Variants in PPM1L observed in about 807,000 individuals in gnomAD.
The protein encoded by PPM1L is protein phosphatase, Mg2+/Mn2+ dependent 1L.
In PPM1L, 13 loss-of-function variants were observed where a neutral mutation model predicts 31.4. The observed-to-expected ratio is 0.41, with a 90% confidence interval of 0.27 to 0.66. The LOEUF (loss-of-function observed/expected upper bound fraction) is 0.66. PPM1L is among the 30% of genes least tolerant of loss of function. The pLI, the probability that PPM1L is intolerant of heterozygous loss-of-function variation, is 0.29. For missense variants in PPM1L, 326 were observed against 453.7 expected (o/e 0.72, Z 2.56); for synonymous variants, 184 against 175.4 (o/e 1.05, Z -0.39).
At chr3:160,843,609 C>T (rs1168055953) in intron 1 of PPM1L, among the ~76,000 whole-genome samples, 2 of 151,328 alleles carry the variant, frequency 1.3e-5, no homozygotes, top group African/African-American at 2.4e-5. Context: ...AATGCTATGC[C>T]TCCCCTCTCC....
intron 1 of PPM1L, among the ~76,000 whole-genome samples, chr3:160,852,891 C>T (rs933509499): frequency 6.6e-6 from 1 of 152,124 alleles, no homozygotes; most frequent in African/African-American, 2.4e-5. Context: ...TGTTAGTTTC[C>T]TGTGGTTGCT....
At chr3:161,022,075 T>G in intron 2 of PPM1L, 1 of 605,278 alleles carries the variant, frequency 1.7e-6, no homozygotes, top group South Asian at 2.0e-5. Context: ...ATTTTGTTCC[T>G]TTATCACTCC....
chr3:160,953,119 T>G (rs887820897), intron 1 of PPM1L, among the ~76,000 whole-genome samples: 10 of 152,166 alleles, frequency 6.6e-5, no homozygotes, highest in Admixed American at 6.5e-5. Context: ...CAACTCTTGG[T>G]TTTTCAGTTA....
chr3:160,790,415 C>A (rs2108072635), intron 1 of PPM1L, among the ~76,000 whole-genome samples: 1 of 152,106 alleles, frequency 6.6e-6, no homozygotes, highest in East Asian at 1.9e-4. Flanking sequence ...ACAGTTTTTG[C>A]AAATATGTTG....
intron 2 of PPM1L, among the ~76,000 whole-genome samples, chr3:160,975,802 AATCATGTC>A (rs1407553154): frequency 6.6e-6 from 1 of 151,712 alleles, no homozygotes; most frequent in Non-Finnish European, 1.5e-5. Flanking sequence ...CTAGATATAC[AATCATGTC>A]ATCTGCAAAC....
chr3:160,793,209 C>T (rs1214890215), intron 1 of PPM1L, among the ~76,000 whole-genome samples: 5 of 152,002 alleles, frequency 3.3e-5, no homozygotes, highest in Non-Finnish European at 5.9e-5. Flanking sequence ...GTCTTTCCCT[C>T]CTTGAGAATG....
At chr3:160,832,199 G>A (rs966211700) in intron 1 of PPM1L, among the ~76,000 whole-genome samples, 2 of 152,162 alleles carry the variant, frequency 1.3e-5, no homozygotes, top group Non-Finnish European at 2.9e-5. Context: ...TTTACTCCCT[G>A]AGTGGATACA....
intron 1 of PPM1L, among the ~76,000 whole-genome samples, chr3:160,895,079 C>T (rs1356740014): frequency 1.3e-5 from 2 of 152,084 alleles, no homozygotes; most frequent in Non-Finnish European, 2.9e-5. Context: ...TTAGATGTAA[C>T]CAGGGACATT....
chr3:160,972,219 T>C (rs1256937625), intron 2 of PPM1L, among the ~76,000 whole-genome samples: 1 of 152,176 alleles, frequency 6.6e-6, no homozygotes. Context: ...TTTATTATAC[T>C]TTAAGTTTTA....
At chr3:160,887,506 T>A (rs556141451) in intron 1 of PPM1L, among the ~76,000 whole-genome samples, 59 of 151,244 alleles carry the variant, frequency 3.9e-4, no homozygotes, top group Middle Eastern at 3.5e-3. Flanking sequence ...GGGAAGCCCA[T>A]CAGATTAACA....
intron 1 of PPM1L, among the ~76,000 whole-genome samples, chr3:160,857,291 TTTTATC>T (rs1189163561): frequency 1.2e-4 from 18 of 152,322 alleles, no homozygotes; most frequent in African/African-American, 4.3e-4. Flanking sequence ...ATTCAACACA[TTTTATC>T]TTTAGCCTCC....
Position 160,840,699 on chromosome 3 carries a change from G to A in PPM1L, c.399+83992G>A, listed in dbSNP as rs77633539. Among the ~76,000 whole-genome samples, 1,498 of 150,530 alleles carry A rather than the reference G, an allele frequency of 1.0e-2. 18 individuals are homozygous for A. Among genetic ancestry groups the A allele is most frequent in the African/African-American group, 0.035 (1,433 of 40,714 alleles). On this transcript the variant is annotated intron_variant, in intron 1 of 3. Coordinates refer to ENST00000498165, the MANE Select transcript of PPM1L (RefSeq NM_139245.4). ...GTTCTTATGTCCATGGGTAGAAGAA[G>A]ATGGTATTCTATCTCCAGGGGAGAG... is the stretch of plus-strand genomic sequence containing the variant.
chr3:161,047,169 A>G (rs1238457048), intron 2 of PPM1L, among the ~76,000 whole-genome samples: 1 of 152,212 alleles, frequency 6.6e-6, no homozygotes, highest in African/African-American at 2.4e-5. Context: ...TGCAGGTGAC[A>G]TGATTGCATA....
At chr3:160,786,134 T>A (rs867479663) in intron 1 of PPM1L, among the ~76,000 whole-genome samples, 3,590 of 86,854 alleles carry the variant, frequency 0.041, 62 homozygotes, top group Middle Eastern at 0.054. Flanking sequence ...TTTTTCTCTC[T>A]CTCTCTCTCT....
At chr3:160,854,309 T>A (rs1435689769) in intron 1 of PPM1L, among the ~76,000 whole-genome samples, 1 of 152,162 alleles carries the variant, frequency 6.6e-6, no homozygotes, top group Non-Finnish European at 1.5e-5. Flanking sequence ...GTCCTTAGAC[T>A]CTTAGCTGGG....
chr3:160,975,489 G>T (rs1243040845), intron 2 of PPM1L, among the ~76,000 whole-genome samples: 2 of 152,262 alleles, frequency 1.3e-5, no homozygotes, highest in South Asian at 2.1e-4. Context: ...ACGATATTGA[G>T]TCTTCTGACC....
At chr3:160,946,620 A>G (rs1393346311) in intron 1 of PPM1L, among the ~76,000 whole-genome samples, 3 of 151,432 alleles carry the variant, frequency 2.0e-5, no homozygotes, top group South Asian at 2.1e-4. Flanking sequence ...TTTTTTTCCT[A>G]CTCCTCTGTT....
intron 2 of PPM1L, among the ~76,000 whole-genome samples, chr3:161,056,301 C>G (rs1719411244): frequency 6.6e-6 from 1 of 152,134 alleles, no homozygotes; most frequent in African/African-American, 2.4e-5. Context: ...TGTGTACTAT[C>G]AAAAAGGCTG....
At chr3:160,817,233 T>C (rs1198595924) in intron 1 of PPM1L, among the ~76,000 whole-genome samples, 1 of 152,040 alleles carries the variant, frequency 6.6e-6, no homozygotes, top group Non-Finnish European at 1.5e-5. Context: ...AATATAAGAT[T>C]ATATGTCAGA....
Sources: allele counts gnomAD v4.1 joint callset (sites outside exome capture counted in the v4.1 genomes callset), GRCh38; gene constraint gnomAD v4.1.1; transcripts MANE v1.5; gene names NCBI Gene and HGNC (gene_info 2026-07-23, HGNC 2026-07-21).